Variants in MAGI1 observed in about 807,000 individuals in gnomAD.
The protein encoded by MAGI1 is membrane-associated guanylate kinase, WW and PDZ domain-containing protein 1.
In MAGI1, 58 loss-of-function variants were observed where a neutral mutation model predicts 139.9. The ratio of observed to expected loss-of-function variants is 0.41; its 90% CI spans 0.34 to 0.52. The LOEUF is 0.52. Among genes scored for constraint, MAGI1 ranks in the 20% least tolerant of loss-of-function variants. MAGI1 has a pLI of 0.12. For missense variants in MAGI1, 1,874 were observed against 1,901.6 expected (o/e 0.99, Z 0.27); for synonymous variants, 812 against 737.9 (o/e 1.10, Z -1.63).
chr3:65,410,999 G>A (rs1208472324), intron 12 of MAGI1, among the ~76,000 whole-genome samples: 1 of 152,100 alleles, frequency 6.6e-6, no homozygotes, highest in Non-Finnish European at 1.5e-5. Context: ...GAAGTGGAGT[G>A]AACTATGGCA....
chr3:65,623,772 G>C (rs13073216), intron 1 of MAGI1, among the ~76,000 whole-genome samples: 108,165 of 152,020 alleles, frequency 0.71, 39,041 homozygotes, highest in African/African-American at 0.75. Context: ...TCCAGCTACA[G>C]CTGCTCATTT....
At position 65,850,023 on chromosome 3, in the gene MAGI1, T is replaced by A. The variant is rs536313973; in HGVS notation, c.313+187973A>T. 1.4e-3 allele frequency among the ~76,000 whole-genome samples: 214 copies of A among 152,344 alleles called. 1 individual carries two copies. Among genetic ancestry groups the A allele is most frequent in the African/African-American group, 4.8e-3 (200 of 41,586 alleles). Reference sequence around the variant, plus strand: ...ATTAATTTATCAATTATGTACTATATCATTTATATACTATTATGATCTAGG... The same window carrying A: ...ATTAATTTATCAATTATGTACTATAACATTTATATACTATTATGATCTAGG... On this transcript the variant is annotated intron_variant, in intron 1 of 22. Coordinates refer to ENST00000402939, the MANE Select transcript of MAGI1 (RefSeq NM_001033057.2).
At chr3:66,000,004 G>A (rs570236207) in intron 1 of MAGI1, among the ~76,000 whole-genome samples, 4 of 116,262 alleles carry the variant, frequency 3.4e-5, no homozygotes, top group Admixed American at 1.2e-4. Context: ...ACGGAGTCTC[G>A]CTCTGTCCCC....
At chr3:65,371,808 C>G (rs941252578) in intron 18 of MAGI1, 1 of 275,926 alleles carries the variant, frequency 3.6e-6, no homozygotes, top group Non-Finnish European at 7.4e-6. Flanking sequence ...TTTGTTCATC[C>G]ATAAGAAGCA....
chr3:65,751,526 C>G (rs2036153273), intron 1 of MAGI1, among the ~76,000 whole-genome samples: 1 of 152,216 alleles, frequency 6.6e-6, no homozygotes, highest in Non-Finnish European at 1.5e-5. Flanking sequence ...CTAAAAAACA[C>G]TTCCTGGATG....
intron 2 of MAGI1, among the ~76,000 whole-genome samples, chr3:65,500,651 C>G (rs1442457408): frequency 1.3e-5 from 2 of 152,174 alleles, no homozygotes; most frequent in Non-Finnish European, 2.9e-5. Flanking sequence ...TTCTGATAAG[C>G]CATTTCCCAC....
intron 4 of MAGI1, among the ~76,000 whole-genome samples, chr3:65,475,671 T>C (rs1416203052): frequency 6.6e-6 from 1 of 152,124 alleles, no homozygotes; most frequent in East Asian, 1.9e-4. Context: ...TTGGGCACAA[T>C]TTGTAGAAGA....
intron 13 of MAGI1, among the ~76,000 whole-genome samples, chr3:65,399,592 C>T (rs1447773587): frequency 6.6e-6 from 1 of 152,178 alleles, no homozygotes; most frequent in African/African-American, 2.4e-5. Context: ...ACTCTCTTAG[C>T]TTGTGGTAAT....
intron 1 of MAGI1, among the ~76,000 whole-genome samples, chr3:65,641,347 G>T (rs140756527): frequency 1.2e-4 from 19 of 152,262 alleles, no homozygotes; most frequent in Admixed American, 2.6e-4. Context: ...ATCACCTGGG[G>T]CATGTCTATA....
chr3:65,417,217 T>C (rs1410526241), intron 12 of MAGI1, among the ~76,000 whole-genome samples: 1 of 152,070 alleles, frequency 6.6e-6, no homozygotes, highest in Non-Finnish European at 1.5e-5. Context: ...AGCTAATGAA[T>C]GCTAGGCTTA....
At chr3:65,374,546 G>A (rs1176517182) in intron 18 of MAGI1, among the ~76,000 whole-genome samples, 3 of 152,110 alleles carry the variant, frequency 2.0e-5, no homozygotes, top group African/African-American at 7.2e-5. Flanking sequence ...TCAAACTCCT[G>A]ACCTCAGGTG....
At chr3:65,819,873 C>G (rs2041838110) in intron 1 of MAGI1, among the ~76,000 whole-genome samples, 1 of 20,992 alleles carries the variant, frequency 4.8e-5, no homozygotes, top group Non-Finnish European at 9.0e-5. Flanking sequence ...AAGACTCCAT[C>G]TCAAAAAAAA....
chr3:65,567,643 C>G (rs1055905130), intron 2 of MAGI1, among the ~76,000 whole-genome samples: 1 of 152,030 alleles, frequency 6.6e-6, no homozygotes, highest in Admixed American at 6.6e-5. Context: ...TCAAGACCAG[C>G]CTGGCCAACA....
chr3:65,665,812 C>G (rs1420507180), intron 1 of MAGI1, among the ~76,000 whole-genome samples: 2 of 152,132 alleles, frequency 1.3e-5, no homozygotes, highest in African/African-American at 2.4e-5. Context: ...TTAAAGGCTC[C>G]TCATCCACAG....
chr3:65,628,198 A>T (rs927711193), intron 1 of MAGI1, among the ~76,000 whole-genome samples: 3 of 152,044 alleles, frequency 2.0e-5, no homozygotes, highest in African/African-American at 7.2e-5. Flanking sequence ...TTCCATAAAT[A>T]GTTTTGGTGG....
At chr3:65,364,390 T>C (rs536189874) in intron 20 of MAGI1, among the ~76,000 whole-genome samples, 4 of 152,256 alleles carry the variant, frequency 2.6e-5, no homozygotes, top group Non-Finnish European at 2.9e-5. Context: ...TGAGTAGATA[T>C]TGGTTGCTTT....
In MAGI1 at chr3:65,574,630, T is replaced by C. The variant is rs556566680; in HGVS notation, c.430+47342A>G. On this transcript the variant is annotated intron_variant, in intron 2 of 22. Transcript: ENST00000402939. ...GTGATTCTAAAATTTACATGGAATATTGAAGGACCTAGAATAGCAAAAACA... is the reference window on the plus strand; with the variant it reads ...GTGATTCTAAAATTTACATGGAATACTGAAGGACCTAGAATAGCAAAAACA... Among the ~76,000 whole-genome samples the C allele has an allele frequency of 6.6e-5, 10 of 152,096 alleles. 1 individual carries two copies. The South Asian group carries it at 1.0e-3, about 16-fold the overall frequency.
At chr3:65,599,062 T>C (rs2082362829) in intron 2 of MAGI1, among the ~76,000 whole-genome samples, 1 of 152,144 alleles carries the variant, frequency 6.6e-6, no homozygotes, top group Non-Finnish European at 1.5e-5. Flanking sequence ...AAGAATTCAT[T>C]ACTACAACTT....
chr3:65,573,546 T>TA (rs1222309583), intron 2 of MAGI1, among the ~76,000 whole-genome samples: 2,036 of 120,734 alleles, frequency 0.017, 40 homozygotes, highest in African/African-American at 0.065. Context: ...GATTTAAAAA[T>TA]AAAAAAAAAA....
Sources: gnomAD v4.1 joint callset for allele counts (sites outside exome capture counted in the v4.1 genomes callset) on GRCh38, gnomAD v4.1.1 for gene constraint, MANE v1.5 for transcripts, NCBI Gene and HGNC (gene_info 2026-07-23, HGNC 2026-07-21) for gene names.